SUSD1: variants seen among roughly 807,000 people sequenced by gnomAD.
SUSD1 encodes the protein sushi domain-containing protein 1.
In SUSD1, 65 loss-of-function variants were observed where a neutral mutation model predicts 86.9. The observed-to-expected ratio is 0.75, with a 90% CI of 0.61 to 0.92. The LOEUF is 0.92. Among genes scored for constraint, SUSD1 ranks in the 40% least tolerant of loss-of-function variants. SUSD1 has a pLI of 0.00. For synonymous variants in SUSD1, 346 were observed against 350.0 expected (o/e 0.99, Z 0.13); for missense variants, 850 against 929.7 (o/e 0.91, Z 1.11).
intron 15 of SUSD1, among the ~76,000 whole-genome samples, chr9:112,049,384 A>C (rs1294472564): frequency 6.6e-6 from 1 of 152,220 alleles, no homozygotes; most frequent in Non-Finnish European, 1.5e-5. Context: ...AGCATCTCAG[A>C]GATCCCAGAG....
intron 10 of SUSD1, among the ~76,000 whole-genome samples, chr9:112,086,236 T>G (rs1231419625): frequency 6.7e-6 from 1 of 149,346 alleles, no homozygotes; most frequent in African/African-American, 2.5e-5. Flanking sequence ...AAAGATTGCT[T>G]GAGCCCAGGA....
At chr9:112,078,831 G>A in intron 11 of SUSD1, 107 bp from the exon 12 acceptor site, 1 of 555,048 alleles carries the variant, frequency 1.8e-6, no homozygotes, top group Non-Finnish European at 2.7e-6. Context: ...TTTTTTTTTT[G>A]AGATGGGGGC....
At chr9:112,051,804 T>C (rs1828226075) in intron 15 of SUSD1, among the ~76,000 whole-genome samples, 1 of 152,178 alleles carries the variant, frequency 6.6e-6, no homozygotes, top group African/African-American at 2.4e-5. Flanking sequence ...CATCTTTTCC[T>C]GTGCCCCATT....
intron 6 of SUSD1, among the ~76,000 whole-genome samples, chr9:112,117,260 C>T (rs1314801789): frequency 6.6e-6 from 1 of 152,248 alleles, no homozygotes; most frequent in African/African-American, 2.4e-5. Context: ...AGGGTGCAAA[C>T]TCCATCTCCC....
intron 1 of SUSD1, among the ~76,000 whole-genome samples, chr9:112,162,614 T>A (rs1270941768): frequency 6.6e-6 from 1 of 152,192 alleles, no homozygotes; most frequent in Non-Finnish European, 1.5e-5. Flanking sequence ...CAATGAAATA[T>A]GAGAAATTAA....
At chr9:112,122,722 C>T (rs1662839389) in intron 6 of SUSD1, among the ~76,000 whole-genome samples, 1 of 152,138 alleles carries the variant, frequency 6.6e-6, no homozygotes, top group African/African-American at 2.4e-5. Flanking sequence ...AAAGATGGAA[C>T]ACACACCCAA....
chr9:112,047,706 AGTT>A (rs1037100831), intron 15 of SUSD1, among the ~76,000 whole-genome samples: 1 of 152,108 alleles, frequency 6.6e-6, no homozygotes, highest in African/African-American at 2.4e-5. Context: ...CCAGGGAGCT[AGTT>A]GTTATAAAAA....
At chr9:112,085,963 C>T (rs143135321) in intron 10 of SUSD1, among the ~76,000 whole-genome samples, 25 of 151,816 alleles carry the variant, frequency 1.6e-4, no homozygotes, top group Non-Finnish European at 2.4e-4. Context: ...CAACATAAAA[C>T]AGAAGCTGTC....
intron 10 of SUSD1, among the ~76,000 whole-genome samples, chr9:112,084,130 T>C (rs565455711): frequency 6.6e-6 from 1 of 152,046 alleles, no homozygotes; most frequent in Admixed American, 6.6e-5. Flanking sequence ...ATTTCATAGA[T>C]ACCAAAATGT....
chr9:112,073,140 G>GCTGGACCTCT (rs2131538975), intron 12 of SUSD1, among the ~76,000 whole-genome samples: 1 of 152,334 alleles, frequency 6.6e-6, no homozygotes, highest in African/African-American at 2.4e-5. Context: ...GGCAGTCCTG[G>GCTGGACCTCT]CTGGACCTCT....
At chr9:112,062,824 T>G (rs1828791574) in intron 13 of SUSD1, 113 bp downstream of exon 13, 1 of 690,416 alleles carries the variant, frequency 1.4e-6, no homozygotes, top group Non-Finnish European at 2.5e-6. Flanking sequence ...TGCATTGTTC[T>G]AACCACCCAA....
chr9:112,062,837 G>A (rs1158092808), intron 13 of SUSD1, 100 bp downstream of exon 13: 4 of 751,678 alleles, frequency 5.3e-6, no homozygotes, highest in Non-Finnish European at 8.9e-6. Flanking sequence ...CCACCCAAGT[G>A]CAGCCACCAA....
intron 12 of SUSD1, among the ~76,000 whole-genome samples, chr9:112,067,315 G>C (rs1012810998): frequency 6.6e-6 from 1 of 152,248 alleles, no homozygotes. Flanking sequence ...GAAGAGCAAC[G>C]GGCCTGTGGT....
chr9:112,076,473 T>G (rs1041017738), intron 12 of SUSD1, among the ~76,000 whole-genome samples: 20 of 152,048 alleles, frequency 1.3e-4, no homozygotes, highest in African/African-American at 4.4e-4. Context: ...AGACAGAAAG[T>G]AACAGATAGA....
intron 14 of SUSD1, among the ~76,000 whole-genome samples, chr9:112,054,744 A>G (rs1828372825): frequency 6.6e-6 from 1 of 152,218 alleles, no homozygotes. Context: ...AACTCTTAGA[A>G]GACAACAAAA....
intron 12 of SUSD1, among the ~76,000 whole-genome samples, chr9:112,072,769 C>T (rs1272209005): frequency 6.6e-6 from 1 of 152,176 alleles, no homozygotes; most frequent in Non-Finnish European, 1.5e-5. Flanking sequence ...GGCAAACATG[C>T]CTCTCCTAGC....
At chr9:112,133,909 C>T (rs544179571) in intron 5 of SUSD1, among the ~76,000 whole-genome samples, 1 of 152,308 alleles carries the variant, frequency 6.6e-6, no homozygotes, top group Non-Finnish European at 1.5e-5. Context: ...GGGCAAAAGA[C>T]ATGAACAGAC....
intron 10 of SUSD1, among the ~76,000 whole-genome samples, chr9:112,084,796 C>G (rs902518733): frequency 9.9e-5 from 15 of 152,214 alleles, no homozygotes; most frequent in Non-Finnish European, 1.6e-4. Context: ...TGTGTTCTCT[C>G]TCTTTTCTCC....
chr9:112,094,883 T>C (rs1400193209), intron 10 of SUSD1, among the ~76,000 whole-genome samples: 2 of 152,150 alleles, frequency 1.3e-5, no homozygotes, highest in African/African-American at 4.8e-5. Flanking sequence ...GAATGATCAG[T>C]GTAGAATTCT....
Sources: allele counts gnomAD v4.1 joint callset (sites outside exome capture counted in the v4.1 genomes callset), GRCh38; gene constraint gnomAD v4.1.1; transcripts MANE v1.5; gene names NCBI Gene and HGNC (gene_info 2026-07-23, HGNC 2026-07-21).